NRG1: variants seen among roughly 807,000 people sequenced by gnomAD.
The protein encoded by NRG1 is pro-neuregulin-1, membrane-bound isoform.
In NRG1, 18 loss-of-function variants were observed where a neutral mutation model predicts 63.8. The ratio of observed to expected loss-of-function variants is 0.28; its 90% confidence interval spans 0.19 to 0.42. NRG1 has a LOEUF of 0.42. NRG1 is among the 10% of genes least tolerant of loss of function. The pLI is 1.00. For missense variants in NRG1, 762 were observed against 814.7 expected (o/e 0.94, Z 0.79); for synonymous variants, 302 against 301.3 (o/e 1.00, Z -0.02).
At chr8:31,787,624 A>G (rs1820302789) in intron 1 of NRG1, among the ~76,000 whole-genome samples, 2 of 152,208 alleles carry the variant, frequency 1.3e-5, no homozygotes, top group Admixed American at 6.6e-5. Flanking sequence ...AACAGTGTTT[A>G]TTTTAATAAT....
intron 1 of NRG1, among the ~76,000 whole-genome samples, chr8:32,464,613 C>T (rs117075969): frequency 5.3e-5 from 8 of 152,266 alleles, no homozygotes; most frequent in Admixed American, 1.3e-4. Context: ...GGTTCTGTCA[C>T]TAACAGGTTG....
At chr8:32,413,250 T>C (rs1815368503) in intron 1 of NRG1, among the ~76,000 whole-genome samples, 1 of 152,226 alleles carries the variant, frequency 6.6e-6, no homozygotes, top group African/African-American at 2.4e-5. Flanking sequence ...AAATGTTCTA[T>C]GATGTAGTTA....
intron 1 of NRG1, among the ~76,000 whole-genome samples, chr8:31,714,346 G>T (rs1236152930): frequency 6.6e-6 from 1 of 151,942 alleles, no homozygotes; most frequent in African/African-American, 2.4e-5. Flanking sequence ...TTTTGTATTG[G>T]TGGTCATGTA....
intron 5 of NRG1, among the ~76,000 whole-genome samples, chr8:32,710,767 A>T (rs1199354335): frequency 2.0e-5 from 3 of 152,218 alleles, no homozygotes; most frequent in Non-Finnish European, 4.4e-5. Context: ...ACTCAAGATC[A>T]GTTTAGTTTT....
chr8:32,298,898 G>A (rs887781762), intron 1 of NRG1, among the ~76,000 whole-genome samples: 1 of 148,464 alleles, frequency 6.7e-6, no homozygotes, highest in African/African-American at 2.5e-5. Context: ...ATGGTGGCAT[G>A]TACCTGTAGT....
At chr8:32,490,655 C>A (rs114630627) in intron 1 of NRG1, among the ~76,000 whole-genome samples, 3 of 152,294 alleles carry the variant, frequency 2.0e-5, no homozygotes, top group African/African-American at 7.2e-5. Flanking sequence ...TGAAGGACAC[C>A]TAAAGCCCCA....
chr8:32,412,422 A>C (rs202230169), intron 1 of NRG1, among the ~76,000 whole-genome samples: 2 of 43,246 alleles, frequency 4.6e-5, no homozygotes, highest in Non-Finnish European at 1.0e-4. Context: ...CTCTCTCTCT[A>C]CATATATATA....
chr8:32,048,484 T>C (rs941971373), intron 1 of NRG1, among the ~76,000 whole-genome samples: 1 of 141,086 alleles, frequency 7.1e-6, no homozygotes. Context: ...TATATATATA[T>C]AGTGGTGGGA....
chr8:31,962,016 C>A (rs1805545954), intron 1 of NRG1, among the ~76,000 whole-genome samples: 1 of 152,006 alleles, frequency 6.6e-6, no homozygotes, highest in African/African-American at 2.4e-5. Context: ...TTTGGCAGAT[C>A]TTTTTTGGTG....
chr8:31,884,203 T>C (rs1006151177), intron 1 of NRG1, among the ~76,000 whole-genome samples: 2 of 152,136 alleles, frequency 1.3e-5, no homozygotes, highest in Non-Finnish European at 2.9e-5. Flanking sequence ...TATTTGGCAT[T>C]AGAAATTATT....
At chr8:31,820,610 T>C (rs537926082) in intron 1 of NRG1, among the ~76,000 whole-genome samples, 1 of 152,344 alleles carries the variant, frequency 6.6e-6, no homozygotes, top group South Asian at 2.1e-4. Context: ...TAGTACATTA[T>C]TATACAAAGT....
chr8:32,413,598 T>C (rs1215388463), intron 1 of NRG1, among the ~76,000 whole-genome samples: 1 of 152,194 alleles, frequency 6.6e-6, no homozygotes, highest in East Asian at 1.9e-4. Flanking sequence ...GAAATCTGCC[T>C]TCTATAGAAC....
At chr8:31,777,903 A>G (rs990595517) in intron 1 of NRG1, among the ~76,000 whole-genome samples, 3 of 152,274 alleles carry the variant, frequency 2.0e-5, no homozygotes, top group Non-Finnish European at 4.4e-5. Context: ...ATCCACCCCT[A>G]TGACCCAGAT....
intron 1 of NRG1, among the ~76,000 whole-genome samples, chr8:32,412,420 C>CATATATATATATATATATA (rs1815116027): frequency 7.2e-5 from 3 of 41,816 alleles, no homozygotes; most frequent in East Asian, 6.6e-4. Flanking sequence ...CTCTCTCTCT[C>CATATATATATATATATATA]TACATATATA....
intron 5 of NRG1, among the ~76,000 whole-genome samples, chr8:32,634,120 G>A (rs6992049): frequency 0.048 from 4,660 of 97,248 alleles, 334 homozygotes; most frequent in African/African-American, 0.24. Context: ...AAAAAAAAAG[G>A]TTGCATAAAG....
chr8:32,464,445 A>G (rs1470316970), intron 1 of NRG1, among the ~76,000 whole-genome samples: 1 of 151,950 alleles, frequency 6.6e-6, no homozygotes, highest in East Asian at 1.9e-4. Flanking sequence ...CCCAACTCTA[A>G]TCTACTGATG....
intron 1 of NRG1, among the ~76,000 whole-genome samples, chr8:32,583,509 CTTCT>C (rs2129532798): frequency 6.6e-6 from 1 of 152,192 alleles, no homozygotes; most frequent in South Asian, 2.1e-4. Flanking sequence ...TCTAATTAAC[CTTCT>C]TTCTAAGTAA....
chr8:32,364,057 G>A (rs1807606016), intron 1 of NRG1, among the ~76,000 whole-genome samples: 1 of 147,884 alleles, frequency 6.8e-6, no homozygotes, highest in East Asian at 2.0e-4. Context: ...TTAACACTTT[G>A]GCGTACTTCT....
At chr8:32,489,271 C>T (rs2129494451) in intron 1 of NRG1, among the ~76,000 whole-genome samples, 1 of 152,234 alleles carries the variant, frequency 6.6e-6, no homozygotes, top group African/African-American at 2.4e-5. Context: ...GTGAATGCCC[C>T]CAGAAAGTCA....
Sources: gnomAD v4.1 joint callset for allele counts (sites outside exome capture counted in the v4.1 genomes callset) on GRCh38, gnomAD v4.1.1 for gene constraint, MANE v1.5 for transcripts, NCBI Gene and HGNC (gene_info 2026-07-23, HGNC 2026-07-21) for gene names.